The following KLC1 variants were observed in gnomAD, a reference collection of about 807,000 sequenced individuals.
KLC1 encodes the protein kinesin light chain 1.
Under a neutral mutation model 84.2 loss-of-function variants are expected in KLC1, and 30 were observed. The ratio of observed to expected loss-of-function variants is 0.36; its 90% confidence interval spans 0.27 to 0.48. KLC1 has a LOEUF of 0.48. KLC1 is among the 20% of genes least tolerant of loss of function. KLC1 has a pLI of 0.99. For synonymous variants in KLC1, 289 were observed against 293.3 expected, an observed-to-expected ratio of 0.99 and a Z score of 0.15; for missense variants, 499 against 805.4, an observed-to-expected ratio of 0.62 and a Z score of 4.60.
intron 5 of KLC1, among the ~76,000 whole-genome samples, 174 bp from the exon 6 acceptor site, chr14:103,669,337 A>T (rs760483650): frequency 6.6e-6 from 1 of 151,872 alleles, no homozygotes; most frequent in Non-Finnish European, 1.5e-5. Context: ...CAGGAGGCTG[A>T]GGCAGAGAAT....
At position 103,693,787 on chromosome 14, in the gene KLC1, C is replaced by A; in HGVS notation, c.1848+1362C>A. ...TTTTCAAAACACCCGGGAGGCCGTG[C>A]CTCAGCATTCTGTTACTCGGCCTGC... On this transcript the variant is annotated intron_variant, in intron 15 of 16. Coordinates refer to ENST00000334553, the MANE Select transcript of KLC1 (RefSeq NM_001394837.1). The surrounding 1 kb of genome is among the most constrained non-coding windows in gnomAD (Gnocchi z 5.1). 1.4e-6 allele frequency: 2 copies of A among 1,416,116 alleles called. No homozygotes were observed. Among genetic ancestry groups the A allele is most frequent in the East Asian group, 2.6e-5 (1 of 38,230 alleles). 87.7% of individuals were successfully genotyped at this position (1,416,116 alleles called of 1,614,324 possible).
At position 103,697,008 on chromosome 14, in the gene KLC1, G is replaced by A. The variant is rs902110841; in HGVS notation, c.1849-3647G>A. The stretch of plus-strand genomic sequence containing the variant: ...TGAGCCAGCATGGGCGGGGCCGGCC[G>A]AGCTTCCAGGCGTGTTTTCTCTGTT... On this transcript the variant is annotated intron_variant, in intron 15 of 16. Transcript: ENST00000334553. 3.9e-5 allele frequency: 38 copies of A among 985,470 alleles called. No homozygotes were observed. In the East Asian group the frequency reaches 1.0e-3, roughly 26 times the overall value. 61.0% of individuals were successfully genotyped at this position (985,470 alleles called of 1,614,324 possible). A position where few individuals can be genotyped will look rare whatever the true frequency, so the allele number is the denominator to read the frequency against.
chr14:103,662,541 C>G (rs559840797), intron 4 of KLC1, among the ~76,000 whole-genome samples, 161 bp from the exon 5 acceptor site: 3 of 152,148 alleles, frequency 2.0e-5, no homozygotes, highest in East Asian at 3.9e-4. Flanking sequence ...GTAGTCACTA[C>G]TCTTACCCTG....
intron 15 of KLC1, 142 bp from the exon 16 acceptor site, chr14:103,700,513 G>T (rs1292285699): frequency 9.9e-6 from 6 of 607,756 alleles, no homozygotes; most frequent in Non-Finnish European, 1.7e-5. Flanking sequence ...GCTCTGGCCA[G>T]ATGGAGGCTG....
intron 15 of KLC1, chr14:103,698,954 T>C: frequency 1.9e-6 from 3 of 1,600,994 alleles, no homozygotes; most frequent in Non-Finnish European, 2.6e-6. Flanking sequence ...CAGCCAGCAG[T>C]CTCACCAGGA....
intron 15 of KLC1, chr14:103,699,649 T>G: frequency 6.7e-7 from 1 of 1,495,280 alleles, no homozygotes; most frequent in Non-Finnish European, 9.3e-7. Context: ...CCGTTTGGAC[T>G]GTCACTCGAC....
chr14:103,635,464 A>C (rs1341575278), intron 1 of KLC1, among the ~76,000 whole-genome samples: 3 of 152,174 alleles, frequency 2.0e-5, no homozygotes, highest in African/African-American at 2.4e-5. Context: ...TTTCTTAAAA[A>C]AATAAAAGGC....
Position 103,686,012 on chromosome 14 carries a change from T to G in KLC1, c.1651-1069T>G, listed in dbSNP as rs572635863. The G allele has an allele frequency of 1.6e-4, 175 of 1,086,400 alleles. 1 individual carries two copies. The South Asian group carries it at 4.0e-3, about 25-fold the overall frequency. The allele number at this position is 1,086,400 out of a possible 1,614,324, so 67.3% of individuals were successfully genotyped here. A position where few individuals can be genotyped will look rare whatever the true frequency, so the allele number is the denominator to read the frequency against. On this transcript the variant is annotated intron_variant, in intron 13 of 16. Coordinates refer to ENST00000334553, the MANE Select transcript of KLC1 (RefSeq NM_001394837.1). Reference sequence around the variant, plus strand: ...GGTGACCTGTTGACGTAACTAAGCCTTACAGCAAGGCATGTGCCGCACGTG... The same window carrying G: ...GGTGACCTGTTGACGTAACTAAGCCGTACAGCAAGGCATGTGCCGCACGTG...
At chr14:103,696,821 A>G in intron 15 of KLC1, 1 of 985,518 alleles carries the variant, frequency 1.0e-6, no homozygotes, top group Non-Finnish European at 1.2e-6. Flanking sequence ...GGCAAGACCC[A>G]TGGCCCTGGC....
At chr14:103,651,457 CTTTAT>C (rs1269789335) in intron 1 of KLC1, among the ~76,000 whole-genome samples, 2 of 151,726 alleles carry the variant, frequency 1.3e-5, no homozygotes, top group African/African-American at 2.4e-5. Flanking sequence ...AGGAGTTTAA[CTTTAT>C]TTTATTTTTC....
chr14:103,652,944 A>T (rs1449480036), intron 1 of KLC1, among the ~76,000 whole-genome samples: 1 of 152,170 alleles, frequency 6.6e-6, no homozygotes, highest in Non-Finnish European at 1.5e-5. Context: ...TGATGCAGAG[A>T]CTAACGTGAC....
At chr14:103,669,020 T>C (rs1472034451) in intron 5 of KLC1, among the ~76,000 whole-genome samples, 74 of 143,392 alleles carry the variant, frequency 5.2e-4, no homozygotes, top group Middle Eastern at 8.3e-3. Context: ...CCTCGTGATC[T>C]GCCCGCCTCA....
intron 13 of KLC1, chr14:103,683,278 G>A (rs2081515154): frequency 6.6e-6 from 1 of 152,214 alleles, no homozygotes; most frequent in African/African-American, 2.4e-5. Flanking sequence ...GGGAAGGACA[G>A]TTCTCTTCTT....
intron 1 of KLC1, among the ~76,000 whole-genome samples, chr14:103,636,987 C>G (rs1470648729): frequency 6.6e-6 from 1 of 150,916 alleles, no homozygotes; most frequent in Non-Finnish European, 1.5e-5. Flanking sequence ...TCTTGGCCTC[C>G]CAAAGTGCTG....
At chr14:103,651,797 T>A (rs891038691) in intron 1 of KLC1, among the ~76,000 whole-genome samples, 1 of 152,216 alleles carries the variant, frequency 6.6e-6, no homozygotes, top group African/African-American at 2.4e-5. Context: ...TTAGCAATCT[T>A]AGTAGCCCTT....
chr14:103,663,316 G>A (rs552461194), intron 5 of KLC1, among the ~76,000 whole-genome samples: 27 of 152,152 alleles, frequency 1.8e-4, no homozygotes, highest in African/African-American at 5.5e-4. Flanking sequence ...TCCTGACCTC[G>A]TGATCCGCCC....
intron 1 of KLC1, among the ~76,000 whole-genome samples, chr14:103,642,807 GC>G (rs2077594404): frequency 7.5e-6 from 1 of 133,048 alleles, no homozygotes. Context: ...TCACTCTGTT[GC>G]CCAGGCTGGA....
chr14:103,698,630 C>T, intron 15 of KLC1: 1 of 673,652 alleles, frequency 1.5e-6, no homozygotes, highest in Non-Finnish European at 2.6e-6. Flanking sequence ...AGATGGGGGT[C>T]AGTCTGTGGC....
intron 1 of KLC1, among the ~76,000 whole-genome samples, chr14:103,637,845 C>T (rs898721282): frequency 2.0e-5 from 3 of 152,078 alleles, no homozygotes; most frequent in Admixed American, 6.6e-5. Context: ...ACTACATGTG[C>T]GCACCACCAT....
Sources: allele counts gnomAD v4.1 joint callset (sites outside exome capture counted in the v4.1 genomes callset), GRCh38; gene constraint gnomAD v4.1.1; non-coding constraint Gnocchi (gnomAD v3.1); transcripts MANE v1.5; gene names NCBI Gene and HGNC (gene_info 2026-07-23, HGNC 2026-07-21).